UNC5D: variants seen among roughly 807,000 people sequenced by gnomAD.
The protein encoded by UNC5D is netrin receptor UNC5D.
UNC5D carries 39 observed loss-of-function variants against 105.4 expected under a neutral mutation model. The ratio of observed to expected loss-of-function variants is 0.37; its 90% CI spans 0.29 to 0.48. The LOEUF (loss-of-function observed/expected upper bound fraction) is 0.48, where lower values mean the gene tolerates loss of function less well. UNC5D is among the 20% of genes least tolerant of loss of function. The pLI is 0.98. For missense variants in UNC5D, 991 were observed against 1,202.4 expected, an observed-to-expected ratio of 0.82 and a Z score of 2.60; for synonymous variants, 452 against 450.4, an observed-to-expected ratio of 1.00 and a Z score of -0.04.
chr8:35,413,997 T>C (rs1805373862), intron 1 of UNC5D, among the ~76,000 whole-genome samples: 1 of 152,146 alleles, frequency 6.6e-6, no homozygotes, highest in African/African-American at 2.4e-5. Flanking sequence ...GACCTCAGAT[T>C]CTTGACTGGA....
At chr8:35,273,279 A>C (rs1010306936) in intron 1 of UNC5D, among the ~76,000 whole-genome samples, 1 of 152,260 alleles carries the variant, frequency 6.6e-6, no homozygotes, top group Admixed American at 6.5e-5. Context: ...AATTAAAACG[A>C]TTATAAGAGT....
In UNC5D at chr8:35,680,418, ATTTT is replaced by A. The variant is rs956466839; in HGVS notation, c.571-3123_571-3120del. Among the ~76,000 whole-genome samples the A allele has an allele frequency of 3.1e-4, 47 of 151,412 alleles. 2 individuals carry two copies. Among genetic ancestry groups the A allele is most frequent in the Middle Eastern group, 6.8e-3 (2 of 292 alleles). ...TGTTTAATTGTCATGTGTTTTGTGGATTTTTTTTTATTTCATGTACTATGTACTC... is the reference window on the plus strand; with the variant it reads ...TGTTTAATTGTCATGTGTTTTGTGGATTTTTATTTCATGTACTATGTACTC... On this transcript the variant is annotated intron_variant, in intron 4 of 16. Transcript: ENST00000404895.
intron 16 of UNC5D, among the ~76,000 whole-genome samples, chr8:35,778,658 C>A (rs544026635): frequency 1.8e-4 from 27 of 152,300 alleles, no homozygotes; most frequent in Non-Finnish European, 3.7e-4. Context: ...TGACTCTTCC[C>A]CTCCATTCAA....
At position 35,592,894 on chromosome 8, in the gene UNC5D, C is replaced by T. The variant is rs1819257280; in HGVS notation, c.467-2660C>T. Among the ~76,000 whole-genome samples, 7 of 151,994 alleles carry T rather than the reference C, an allele frequency of 4.6e-5. No homozygotes were observed. In the South Asian group the frequency reaches 1.5e-3, roughly 32 times the overall value. On this transcript the variant is annotated intron_variant, in intron 3 of 16. Coordinates refer to ENST00000404895, the MANE Select transcript of UNC5D (RefSeq NM_080872.4). ...AATGTGTGTCTTGCTAGGACTCTTC[C>T]AGTCATTTCAAATGTCATTTGGAAA...
chr8:35,516,420 G>A (rs1813096070), intron 1 of UNC5D, among the ~76,000 whole-genome samples: 1 of 152,170 alleles, frequency 6.6e-6, no homozygotes, highest in Non-Finnish European at 1.5e-5. Context: ...GCTCGTAAGT[G>A]TCACCTGGCT....
chr8:35,422,683 AATC>A (rs2128967498), intron 1 of UNC5D, among the ~76,000 whole-genome samples: 1 of 152,348 alleles, frequency 6.6e-6, no homozygotes, highest in African/African-American at 2.4e-5. Flanking sequence ...CATCACTTGA[AATC>A]ATAGTAATGG....
rs1337838739 is a variant in UNC5D at position 35,247,516 on chromosome 8, C to T, written c.103+11629C>T. ...CTAGGAGATCCTAAATAACTTCTCT[C>T]TCTCTCTATATATATATATGTATAA... On this transcript the variant is annotated intron_variant, in intron 1 of 16. Transcript: ENST00000404895. Among the ~76,000 whole-genome samples the T allele has an allele frequency of 4.0e-5, 5 of 125,772 alleles. No individual in the cohort carries two copies. The East Asian group carries it at 1.1e-3, about 27-fold the overall frequency. The allele number at this position is 125,772 out of a possible 152,430, so 82.5% of individuals were successfully genotyped here.
intron 7 of UNC5D, among the ~76,000 whole-genome samples, chr8:35,691,168 C>T (rs1027809249): frequency 1.3e-5 from 2 of 152,098 alleles, no homozygotes; most frequent in African/African-American, 4.8e-5. Flanking sequence ...TCACAGATGG[C>T]CACACCTAGA....
chr8:35,495,734 A>G (rs1811540923), intron 1 of UNC5D, among the ~76,000 whole-genome samples: 1 of 152,172 alleles, frequency 6.6e-6, no homozygotes. Flanking sequence ...TAATTTCACA[A>G]GTGTGTGCAA....
chr8:35,380,429 C>T (rs7000946), intron 1 of UNC5D, among the ~76,000 whole-genome samples: 165 of 152,168 alleles, frequency 1.1e-3, no homozygotes, highest in African/African-American at 3.7e-3. Flanking sequence ...ATAGTGTGCA[C>T]ATGTAAACAG....
chr8:35,536,726 G>A (rs1814869262), intron 1 of UNC5D, among the ~76,000 whole-genome samples: 1 of 152,154 alleles, frequency 6.6e-6, no homozygotes, highest in African/African-American at 2.4e-5. Flanking sequence ...GGCTGGGCAC[G>A]GTGGCTCCTG....
At chr8:35,612,747 T>TTC (rs1820773083) in intron 4 of UNC5D, among the ~76,000 whole-genome samples, 1 of 148,582 alleles carries the variant, frequency 6.7e-6, no homozygotes, top group East Asian at 2.0e-4. Flanking sequence ...TTTTTTTTTT[T>TTC]TGCTTCTTTG....
intron 1 of UNC5D, among the ~76,000 whole-genome samples, chr8:35,314,708 G>C (rs753368529): frequency 3.9e-5 from 6 of 152,086 alleles, no homozygotes; most frequent in Non-Finnish European, 8.8e-5. Flanking sequence ...TGGTTCTATG[G>C]GGTTGACTAC....
chr8:35,693,231 G>T lies in UNC5D; in HGVS notation c.1084+6522G>T, dbSNP rs530671593. Among the ~76,000 whole-genome samples, 4 of 152,136 alleles carry T rather than the reference G, an allele frequency of 2.6e-5. No homozygotes were observed. The South Asian group carries it at 8.3e-4, about 32-fold the overall frequency. The stretch of plus-strand genomic sequence containing the variant: ...TTACAAAGCTAAAACTGTCATTTTT[G>T]TGCCTCTCGATGGGCACTTGCACTC... On this transcript the variant is annotated intron_variant, in intron 7 of 16. Coordinates refer to ENST00000404895, the MANE Select transcript of UNC5D (RefSeq NM_080872.4).
In UNC5D at chr8:35,577,436, T is replaced by C. The variant is rs554402550; in HGVS notation, c.466+9195T>C. Among the ~76,000 whole-genome samples the C allele has an allele frequency of 3.3e-5, 5 of 152,262 alleles. No homozygotes were observed. In the South Asian group the frequency reaches 6.2e-4, roughly 19 times the overall value. ...TATTTACTGCCCCTCTATTTGAACA[T>C]GGGAAAAGGAAGCAGCACCCCTGAG... On this transcript the variant is annotated intron_variant, in intron 3 of 16. Transcript: ENST00000404895.
intron 2 of UNC5D, among the ~76,000 whole-genome samples, chr8:35,559,536 G>A (rs1816804503): frequency 6.6e-6 from 1 of 152,190 alleles, no homozygotes; most frequent in South Asian, 2.1e-4. Flanking sequence ...GGCTTTGTCA[G>A]TGCAATAATG....
intron 1 of UNC5D, among the ~76,000 whole-genome samples, chr8:35,310,430 G>A (rs1254197454): frequency 6.6e-6 from 1 of 152,022 alleles, no homozygotes; most frequent in Non-Finnish European, 1.5e-5. Context: ...GATCAACCTG[G>A]CCAACATGGC....
At chr8:35,580,295 A>G (rs963866656) in intron 3 of UNC5D, among the ~76,000 whole-genome samples, 14 of 152,278 alleles carry the variant, frequency 9.2e-5, no homozygotes, top group African/African-American at 3.4e-4. Context: ...TACAGAATTG[A>G]GAGTCACTGG....
chr8:35,748,123 G>A (rs1830092108), intron 11 of UNC5D, among the ~76,000 whole-genome samples: 1 of 152,158 alleles, frequency 6.6e-6, no homozygotes, highest in African/African-American at 2.4e-5. Context: ...TCATGAGAAA[G>A]GAATTTGATG....
Sources: allele counts gnomAD v4.1 joint callset (sites outside exome capture counted in the v4.1 genomes callset), GRCh38; gene constraint gnomAD v4.1.1; transcripts MANE v1.5; gene names NCBI Gene and HGNC (gene_info 2026-07-23, HGNC 2026-07-21).